The following ARGLU1 variants were observed in gnomAD, a reference collection of about 807,000 sequenced individuals.
The protein encoded by ARGLU1 is arginine and glutamate rich 1, also known as arginine and glutamate-rich protein 1.
A neutral mutation model predicts 37.6 loss-of-function variants in ARGLU1; 9 were observed. That is an observed-to-expected ratio of 0.24 (90% CI 0.14 to 0.42). The LOEUF is 0.42. Ranked by LOEUF, ARGLU1 falls within the 10% of genes least tolerant of loss-of-function variation. The pLI, the probability that ARGLU1 is intolerant of heterozygous loss-of-function variation, is 1.00. For missense variants in ARGLU1, 211 were observed against 359.2 expected, an observed-to-expected ratio of 0.59 and a Z score of 3.34; for synonymous variants, 166 against 138.5, an observed-to-expected ratio of 1.20 and a Z score of -1.39.
At chr13:106,548,704 G>GTT (rs1880457722) in intron 3 of ARGLU1, among the ~76,000 whole-genome samples, 1 of 152,092 alleles carries the variant, frequency 6.6e-6, no homozygotes, top group South Asian at 2.1e-4. Context: ...TTCCATTATA[G>GTT]TTAAAAGGCC....
chr13:106,557,996 T>G lies in ARGLU1; in HGVS notation c.574-865A>C. ...TTCAACTTATTTTTTCTTGGAGAAT[T>G]TAATGAGATTTTATAATGCAAACTG... On this transcript the variant is annotated intron_variant, in intron 2 of 3. Coordinates refer to ENST00000400198, the MANE Select transcript of ARGLU1 (RefSeq NM_018011.4). This position sits in a 1 kb window ranked among gnomAD's most constrained non-coding sequence, Gnocchi z 5.0. The G allele has an allele frequency of 1.0e-6, 1 of 985,406 alleles. No individual in the cohort carries two copies. Among genetic ancestry groups the G allele is most frequent in the Non-Finnish European group, 1.2e-6 (1 of 829,910 alleles). The allele number at this position is 985,406 out of a possible 1,614,324, so 61.0% of individuals were successfully genotyped here. A position where few individuals can be genotyped will look rare whatever the true frequency, so the allele number is the denominator to read the frequency against.
Position 106,543,870 on chromosome 13 carries a change from G to T in ARGLU1, c.*126C>A. ...GAATTGCAGAGCATAGCCCCTATTA[G>T]AACAAGCTAACTTTCCAGATTTTAC... On this transcript the variant is annotated 3_prime_UTR_variant, in exon 4 of 4. Transcript: ENST00000400198. 5.9e-5 allele frequency: 48 copies of T among 818,638 alleles called. No homozygotes were observed. The highest frequency in any genetic ancestry group is 6.6e-5 in the Non-Finnish European group (37 of 557,830). The allele number at this position is 818,638 out of a possible 1,614,324, so 50.7% of individuals were successfully genotyped here. A position where few individuals can be genotyped will look rare whatever the true frequency, so the allele number is the denominator to read the frequency against.
At chr13:106,558,079 G>T (rs1430273513) in intron 2 of ARGLU1, 1 of 984,874 alleles carries the variant, frequency 1.0e-6, no homozygotes, top group Non-Finnish European at 1.2e-6. Flanking sequence ...ATATTCAAAT[G>T]ATTTTAATAT....
chr13:106,544,682 A>C (rs1439960902), intron 3 of ARGLU1, among the ~76,000 whole-genome samples: 1 of 152,176 alleles, frequency 6.6e-6, no homozygotes, highest in African/African-American at 2.4e-5. Context: ...CCATATTTAT[A>C]GTTGAAGGGC....
At chr13:106,552,365 T>C (rs958155486) in intron 3 of ARGLU1, among the ~76,000 whole-genome samples, 3 of 152,180 alleles carry the variant, frequency 2.0e-5, no homozygotes, top group Middle Eastern at 3.2e-3. Flanking sequence ...AATTTGTCCT[T>C]CCTTTGACCA....
At position 106,557,607 on chromosome 13, in the gene ARGLU1, C is replaced by T; in HGVS notation, c.574-476G>A. 1 of 1,605,512 alleles carries T rather than the reference C, an allele frequency of 6.2e-7. No homozygotes were observed. The highest frequency in any genetic ancestry group is 8.5e-7 in the Non-Finnish European group (1 of 1,176,368). On this transcript the variant is annotated intron_variant, in intron 2 of 3. Transcript: ENST00000400198. The surrounding 1 kb of genome is among the most constrained non-coding windows in gnomAD (Gnocchi z 5.0). ...GTGTGCTCCTCGGCTGCCATACGCG[C>T]CAGCTTCCTCTTTAAAATGATTTGT...
intron 3 of ARGLU1, 64 bp downstream of exon 3, chr13:106,556,984 C>T: frequency 6.9e-7 from 1 of 1,448,962 alleles, no homozygotes; most frequent in Non-Finnish European, 9.7e-7. Flanking sequence ...AATCAATCCA[C>T]AAAATCCGAA....
chr13:106,566,031 G>C (rs1278608662), intron 1 of ARGLU1, among the ~76,000 whole-genome samples: 3 of 152,166 alleles, frequency 2.0e-5, no homozygotes, highest in Non-Finnish European at 4.4e-5. Context: ...TCTCAGCAAT[G>C]TCTTAGGTAA....
At chr13:106,562,881 C>T (rs900161403) in intron 1 of ARGLU1, among the ~76,000 whole-genome samples, 7 of 147,828 alleles carry the variant, frequency 4.7e-5, no homozygotes, top group East Asian at 4.1e-4. Flanking sequence ...GGTGTGGTGG[C>T]GGGTGCCTGC....
chr13:106,559,286 T>A, intron 2 of ARGLU1, 146 bp downstream of exon 2: 1 of 1,537,776 alleles, frequency 6.5e-7, no homozygotes, highest in Non-Finnish European at 8.7e-7. Context: ...GGCTAAAAAA[T>A]TAACTTTCGC....
At chr13:106,556,204 G>A (rs577198060) in intron 3 of ARGLU1, among the ~76,000 whole-genome samples, 2 of 152,198 alleles carry the variant, frequency 1.3e-5, no homozygotes, top group South Asian at 4.1e-4. Flanking sequence ...GATTTTCTTC[G>A]GGAAAGCGGA....
intron 3 of ARGLU1, among the ~76,000 whole-genome samples, chr13:106,548,069 G>C (rs1018582420): frequency 1.3e-5 from 2 of 152,122 alleles, no homozygotes; most frequent in African/African-American, 4.8e-5. Context: ...GTGCCTACTA[G>C]AAGTATTTAA....
chr13:106,544,242 T>C (rs767026676), intron 3 of ARGLU1, 82 bp from the exon 4 acceptor site: 24 of 1,256,222 alleles, frequency 1.9e-5, no homozygotes, highest in Non-Finnish European at 2.5e-5. Flanking sequence ...TTATCTATTA[T>C]GTATCTACAA....
chr13:106,566,669 T>C (rs1880971742), intron 1 of ARGLU1, among the ~76,000 whole-genome samples: 1 of 152,220 alleles, frequency 6.6e-6, no homozygotes, highest in Non-Finnish European at 1.5e-5. Flanking sequence ...TCTACTTTCA[T>C]AGCCAGAAAT....
At chr13:106,544,295 G>A in intron 3 of ARGLU1, 135 bp from the exon 4 acceptor site, 1 of 631,332 alleles carries the variant, frequency 1.6e-6, no homozygotes, top group Non-Finnish European at 2.4e-6. Flanking sequence ...TAAAAACAAG[G>A]ACTTCCTATG....
chr13:106,544,303 A>C, intron 3 of ARGLU1, 143 bp from the exon 4 acceptor site: 1 of 572,654 alleles, frequency 1.7e-6, no homozygotes, highest in Non-Finnish European at 2.8e-6. Flanking sequence ...AGGACTTCCT[A>C]TGAATTACAT....
chr13:106,552,766 C>T (rs1880562323), intron 3 of ARGLU1, among the ~76,000 whole-genome samples: 1 of 152,264 alleles, frequency 6.6e-6, no homozygotes, highest in Non-Finnish European at 1.5e-5. Flanking sequence ...AGTTATGTGT[C>T]GCCAACACTA....
rs1192571886 is a variant in ARGLU1, at chr13:106,557,928, A to T, written c.574-797T>A. 1 of 985,376 alleles carries T rather than the reference A, an allele frequency of 1.0e-6. No homozygotes were observed. Among genetic ancestry groups the T allele is most frequent in the Non-Finnish European group, 1.2e-6 (1 of 829,954 alleles). 61.0% of individuals were successfully genotyped at this position (985,376 alleles called of 1,614,324 possible). On this transcript the variant is annotated intron_variant, in intron 2 of 3. Transcript: ENST00000400198. This position sits in a 1 kb window ranked among gnomAD's most constrained non-coding sequence, Gnocchi z 5.0. ...ATATTGTCATCTACAATCTGAACTG[A>T]AACTCAGAAATCCAGGGGATGCATG...
At chr13:106,548,045 A>G (rs1880438371) in intron 3 of ARGLU1, among the ~76,000 whole-genome samples, 1 of 152,202 alleles carries the variant, frequency 6.6e-6, no homozygotes, top group Non-Finnish European at 1.5e-5. Flanking sequence ...TTAATCACCA[A>G]TGCTAGGCAT....
Sources: allele counts gnomAD v4.1 joint callset (sites outside exome capture counted in the v4.1 genomes callset), GRCh38; gene constraint gnomAD v4.1.1; non-coding constraint Gnocchi (gnomAD v3.1); transcripts MANE v1.5; gene names NCBI Gene and HGNC (gene_info 2026-07-23, HGNC 2026-07-21).